The following RNF216 variants were observed in gnomAD, a reference collection of about 807,000 sequenced individuals.
RNF216 encodes E3 ubiquitin-protein ligase RNF216.
RNF216 carries 72 observed loss-of-function variants against 110.8 expected under a neutral mutation model. The ratio of observed to expected loss-of-function variants is 0.65; its 90% CI spans 0.54 to 0.79. RNF216 has a LOEUF of 0.79. RNF216 is among the 30% of genes least tolerant of loss of function. The pLI is 0.00. For synonymous variants in RNF216, 495 were observed against 407.5 expected (o/e 1.21, Z -2.59); for missense variants, 1,342 against 1,141.2 (o/e 1.18, Z -2.54).
intron 1 of RNF216, among the ~76,000 whole-genome samples, chr7:5,768,366 C>CACACACACACACACACACACACACAT (rs1796318334): frequency 1.3e-5 from 2 of 148,456 alleles, no homozygotes; most frequent in African/African-American, 5.0e-5. Flanking sequence ...CACACACACA[C>CACACACACACACACACACACACACAT]ACACACACAC....
chr7:5,642,230 T>G (rs1787781036), intron 14 of RNF216, among the ~76,000 whole-genome samples: 2 of 151,208 alleles, frequency 1.3e-5, no homozygotes, highest in South Asian at 4.2e-4. Flanking sequence ...TTTTTTTTTT[T>G]GAGACAGAGT....
intron 14 of RNF216, among the ~76,000 whole-genome samples, chr7:5,647,164 T>C (rs757798212): frequency 1.3e-5 from 2 of 151,638 alleles, no homozygotes; most frequent in Non-Finnish European, 2.9e-5. Context: ...TTTTGCCAGG[T>C]TAATTCTTGC....
rs753166501 is a variant in RNF216, at chr7:5,715,089, G to A, written c.1797C>T (p.Ile599=). ...CAAAGACTGCCTCTTGGGCATATCT[G>A]ATGAGACACTCTTTGCAGAACAAGT... ...DAHLFCKECL[I]RYAQEAVFGS... The change falls in exon 11 of 17, where the codon ATC becomes ATT. Residue 599 remains isoleucine (I), a synonymous_variant. Transcript: ENST00000389902. The A allele has an allele frequency of 1.9e-6, 3 of 1,613,700 alleles. No homozygotes were observed. In the African/African-American group the frequency reaches 4.0e-5, roughly 22 times the overall value.
At chr7:5,658,487 T>C (rs1333895012) in intron 13 of RNF216, among the ~76,000 whole-genome samples, 8 of 151,856 alleles carry the variant, frequency 5.3e-5, no homozygotes, top group Middle Eastern at 3.4e-3. Flanking sequence ...TGAGACCCCA[T>C]CTCTACAAAA....
chr7:5,652,327 G>C, intron 14 of RNF216, 86 bp downstream of exon 14: 2 of 970,632 alleles, frequency 2.1e-6, no homozygotes, highest in Non-Finnish European at 3.3e-6. Flanking sequence ...GTGTTCTTCC[G>C]ACAACAGTAT....
At chr7:5,718,799 G>C (rs777528693) in intron 9 of RNF216, among the ~76,000 whole-genome samples, 3 of 151,878 alleles carry the variant, frequency 2.0e-5, no homozygotes, top group Admixed American at 6.6e-5. Flanking sequence ...TGCCCACCTC[G>C]GCCTTCCAAA....
chr7:5,635,022 AT>A (rs1787312648), intron 15 of RNF216, among the ~76,000 whole-genome samples: 1 of 152,148 alleles, frequency 6.6e-6, no homozygotes, highest in Non-Finnish European at 1.5e-5. Flanking sequence ...CCTAACGACC[AT>A]GTATTTGTGG....
At chr7:5,740,128 T>TCACC (rs1794674754) in intron 4 of RNF216, among the ~76,000 whole-genome samples, 1 of 16,524 alleles carries the variant, frequency 6.1e-5, no homozygotes, top group African/African-American at 1.6e-4. Flanking sequence ...TTTTTTTTTT[T>TCACC]TTTTTTTTTT....
intron 11 of RNF216, 140 bp from the exon 12 acceptor site, chr7:5,713,003 T>A: frequency 2.5e-6 from 2 of 803,794 alleles, no homozygotes; most frequent in Non-Finnish European, 3.8e-6. Flanking sequence ...AAATCACACT[T>A]AAATCATGGA....
chr7:5,766,153 G>T (rs1159809596), intron 1 of RNF216, among the ~76,000 whole-genome samples: 1 of 151,846 alleles, frequency 6.6e-6, no homozygotes, highest in African/African-American at 2.4e-5. Flanking sequence ...AGCTGCGCGG[G>T]GTGGCATGTA....
Position 5,712,808 on chromosome 7 carries a change from A to G in RNF216, c.1889T>C (p.Leu630Pro). The change falls in exon 12 of 17, where the codon CTG (leucine) becomes CCG (proline). Residue 630 changes from leucine to proline, a missense_variant. Leu to Pro is a moderately conservative substitution (Grantham distance 98, BLOSUM62 -3). Transcript: ENST00000389902. ...GATGGTCTGGGGGAGCACCTTCTCC[A>G]GCTCACTGGTTGGGAACGAACACGT... ...SCTCSFPTSELEKVLPQTILY... is the reference protein window; with the variant it reads ...SCTCSFPTSEPEKVLPQTILY... 1.2e-6 allele frequency: 2 copies of G among 1,614,064 alleles called. No homozygotes were observed. The highest frequency in any genetic ancestry group is 1.7e-6 in the Non-Finnish European group (2 of 1,179,996).
chr7:5,769,121 CTTTTT>C (rs68129648), intron 1 of RNF216, among the ~76,000 whole-genome samples: 11 of 128,604 alleles, frequency 8.6e-5, no homozygotes, highest in Non-Finnish European at 1.0e-4. Flanking sequence ...TTCCAAATGC[CTTTTT>C]TTTTTTTTTT....
intron 13 of RNF216, among the ~76,000 whole-genome samples, chr7:5,711,224 G>A (rs188647858): frequency 2.0e-5 from 3 of 152,210 alleles, no homozygotes; most frequent in Non-Finnish European, 4.4e-5. Context: ...ACAAAGATCT[G>A]CAACAGTAAT....
chr7:5,686,727 A>G (rs1254644882), intron 13 of RNF216, among the ~76,000 whole-genome samples: 1 of 152,226 alleles, frequency 6.6e-6, no homozygotes, highest in Non-Finnish European at 1.5e-5. Flanking sequence ...AAGATCTTAA[A>G]ACAGCGGTCC....
chr7:5,751,282 C>T (rs986273921), intron 3 of RNF216, among the ~76,000 whole-genome samples: 2 of 152,176 alleles, frequency 1.3e-5, no homozygotes, highest in South Asian at 4.1e-4. Flanking sequence ...GAGAGTGGCA[C>T]TGATGCCCGA....
intron 13 of RNF216, among the ~76,000 whole-genome samples, chr7:5,666,145 G>A (rs1329918013): frequency 7.0e-6 from 1 of 143,340 alleles, no homozygotes. Context: ...CAGCCTGGGC[G>A]ACAGAGTGAG....
In RNF216 at chr7:5,741,391, A is replaced by G. The variant is rs1161673382; in HGVS notation, c.626T>C (p.Leu209Ser). Residue 209 changes from leucine (L) to serine (S), a missense_variant, in exon 4 of 17, where the codon TTA becomes TCA. Physicochemically the swap from Leu to Ser is moderately radical, Grantham distance 145. Coordinates refer to ENST00000389902, the MANE Select transcript of RNF216 (RefSeq NM_207111.4). ...QSSEDSETEL[L>S]SNLGESAALA... is the part of the protein sequence containing the mutation. ...AGCAGCTGACTCTCCTAGATTTGATAACAGCTCTGTCTCTGAGTCTTCGGA... is the reference window on the plus strand; with the variant it reads ...AGCAGCTGACTCTCCTAGATTTGATGACAGCTCTGTCTCTGAGTCTTCGGA... 2 of 1,614,080 alleles carry G rather than the reference A, an allele frequency of 1.2e-6. No homozygotes were observed. Among genetic ancestry groups the G allele is most frequent in the East Asian group, 4.5e-5 (2 of 44,898 alleles).
chr7:5,635,818 G>C (rs924476234), intron 15 of RNF216, among the ~76,000 whole-genome samples: 14 of 152,232 alleles, frequency 9.2e-5, no homozygotes, highest in African/African-American at 3.1e-4. Context: ...GTTAGGCTCA[G>C]TCCACTGCTG....
intron 13 of RNF216, among the ~76,000 whole-genome samples, chr7:5,686,171 C>T (rs1790971607): frequency 6.7e-6 from 1 of 148,900 alleles, no homozygotes; most frequent in Admixed American, 6.7e-5. Context: ...TGCAGTGAGC[C>T]GAGATCATGC....
Sources: gnomAD v4.1 joint callset for allele counts (sites outside exome capture counted in the v4.1 genomes callset) on GRCh38, gnomAD v4.1.1 for gene constraint, MANE v1.5 for transcripts, NCBI Gene and HGNC (gene_info 2026-07-23, HGNC 2026-07-21) for gene names.